Variants in ZNF45 observed in about 807,000 individuals in gnomAD.
The protein encoded by ZNF45 is BRC1744.
A neutral mutation model predicts 12.0 loss-of-function variants in ZNF45; 4 were observed. The ratio of observed to expected loss-of-function variants is 0.33; its 90% CI spans 0.16 to 0.76. ZNF45 has a LOEUF of 0.76. ZNF45 is among the 30% of genes least tolerant of loss of function. ZNF45 has a pLI of 0.60. For synonymous variants in ZNF45, 272 were observed against 279.6 expected (o/e 0.97, Z 0.27); for missense variants, 700 against 813.0 (o/e 0.86, Z 1.69).
chr19:43,916,888 G>GA (rs1046601675), intron 9 of ZNF45, among the ~76,000 whole-genome samples: 14 of 147,614 alleles, frequency 9.5e-5, no homozygotes, highest in South Asian at 6.4e-4. Flanking sequence ...AATTACTTAG[G>GA]AAAAAAAAAA....
chr19:43,923,919 A>G (rs1973437375), intron 6 of ZNF45, among the ~76,000 whole-genome samples: 1 of 151,688 alleles, frequency 6.6e-6, no homozygotes, highest in Middle Eastern at 3.4e-3. Flanking sequence ...GCTTGAGGCC[A>G]AGAGTTCAAG....
chr19:43,926,985 C>G (rs1225464306), intron 3 of ZNF45, among the ~76,000 whole-genome samples: 1 of 152,098 alleles, frequency 6.6e-6, no homozygotes, highest in Non-Finnish European at 1.5e-5. Flanking sequence ...AACAGATTAC[C>G]CTCTCAAACG....
At chr19:43,923,502 G>A (rs1414152305) in intron 6 of ZNF45, among the ~76,000 whole-genome samples, 2 of 152,136 alleles carry the variant, frequency 1.3e-5, no homozygotes, top group African/African-American at 4.8e-5. Context: ...GAAAAACATA[G>A]TATATTTAGG....
chr19:43,916,611 A>G (rs1972699217), intron 9 of ZNF45, among the ~76,000 whole-genome samples: 1 of 152,192 alleles, frequency 6.6e-6, no homozygotes, highest in Non-Finnish European at 1.5e-5. Context: ...ATTTTATATC[A>G]TTCACCACTT....
At chr19:43,919,833 A>C in intron 7 of ZNF45, 134 bp from the exon 8 acceptor site, 1 of 879,364 alleles carries the variant, frequency 1.1e-6, no homozygotes, top group South Asian at 1.6e-5. Context: ...ACTTTATTAC[A>C]GTTAAACACA....
Position 43,914,687 on chromosome 19 carries a change from T to C in ZNF45, c.749A>G (p.Tyr250Cys). 1 of 1,614,142 alleles carries C rather than the reference T, an allele frequency of 6.2e-7. No individual in the cohort carries two copies. Residue 250 changes from tyrosine (Y) to cysteine (C), a missense_variant, in exon 10 of 10, where the codon TAT (tyrosine) becomes TGT (cysteine). Coordinates refer to ENST00000269973, the MANE Select transcript of ZNF45 (RefSeq NM_003425.4). ...RVPTGENPYK[Y>C]EECGRNVGKS... ...CCCAACATTCCTCCCACACTCTTCA[T>C]ATTTGTATGGATTCTCTCCAGTGGG...
intron 3 of ZNF45, among the ~76,000 whole-genome samples, chr19:43,927,603 A>G (rs1402489894): frequency 6.6e-6 from 1 of 152,172 alleles, no homozygotes; most frequent in Non-Finnish European, 1.5e-5. Flanking sequence ...AGAAATAAAG[A>G]GATGAAAGGA....
rs537434159 is a variant in ZNF45, at chr19:43,921,059, T to C, written c.15+1112A>G. On this transcript the variant is annotated intron_variant, in intron 7 of 9. Coordinates refer to ENST00000269973, the MANE Select transcript of ZNF45 (RefSeq NM_003425.4). ...CAGTATTAGCTGAGGCATCTTCCAC[T>C]AACCAGGACAAGCTAGGCACCCACA... 2.6e-5 allele frequency among the ~76,000 whole-genome samples: 4 copies of C among 152,290 alleles called. No individual in the cohort carries two copies. In the South Asian group the frequency reaches 8.3e-4, roughly 32 times the overall value.
intron 3 of ZNF45, among the ~76,000 whole-genome samples, chr19:43,931,682 T>C (rs1251244946): frequency 6.6e-6 from 1 of 152,174 alleles, no homozygotes; most frequent in East Asian, 1.9e-4. Flanking sequence ...TTCAAACATG[T>C]TACCTATCTC....
In ZNF45 at chr19:43,913,302, C is replaced by T. The variant is rs1972351073; in HGVS notation, c.*85G>A. On this transcript the variant is annotated 3_prime_UTR_variant, in exon 10 of 10. Transcript: ENST00000269973. ...GTCTCCCAATCACTTGGCTGAACTACTGACTCTATAAAACAAATGTTTTGT... is the reference window on the plus strand; with the variant it reads ...GTCTCCCAATCACTTGGCTGAACTATTGACTCTATAAAACAAATGTTTTGT... 4 of 1,476,292 alleles carry T rather than the reference C, an allele frequency of 2.7e-6. No homozygotes were observed. In the South Asian group the frequency reaches 5.6e-5, roughly 21 times the overall value. 91.4% of individuals were successfully genotyped at this position (1,476,292 alleles called of 1,614,324 possible). A position where few individuals can be genotyped will look rare whatever the true frequency, so the allele number is the denominator to read the frequency against.
chr19:43,914,506 C>T lies in ZNF45; in HGVS notation c.930G>A (p.Gly310=), dbSNP rs141037581. ...GKKPYKCEEC[G]KSFSWRSRLQ... ...GTCGTGAACGCCAACTGAAGCTCTT[C>T]CCACACTCTTCACACTTATATGGTT... Residue 310 remains glycine (G), a synonymous_variant, in exon 10 of 10, where the codon GGG becomes GGA. Transcript: ENST00000269973. The T allele has an allele frequency of 1.2e-6, 2 of 1,612,974 alleles. No individual in the cohort carries two copies. Among genetic ancestry groups the T allele is most frequent in the African/African-American group, 2.7e-5 (2 of 74,898 alleles).
rs1974400568 is a variant in ZNF45, at chr19:43,935,043, G to T, written c.-875C>A. 1 of 152,258 alleles carries T rather than the reference G, an allele frequency of 6.6e-6. No homozygotes were observed. Among genetic ancestry groups the T allele is most frequent in the African/African-American group, 2.4e-5 (1 of 41,434 alleles). 9.4% of individuals were successfully genotyped at this position (152,258 alleles called of 1,614,324 possible). On this transcript the variant is annotated 5_prime_UTR_variant, in exon 1 of 10. Transcript: ENST00000269973. ...CATTCAGGTCCACTTCCAACCAGGG[G>T]ACTCCCGAACCGCCCCGAACGCAGC... is the stretch of plus-strand genomic sequence containing the variant.
intron 3 of ZNF45, among the ~76,000 whole-genome samples, chr19:43,927,326 T>C (rs1973766906): frequency 1.3e-5 from 2 of 152,208 alleles, no homozygotes; most frequent in Non-Finnish European, 2.9e-5. Context: ...CCCAAAGATT[T>C]GCAGAATGAC....
chr19:43,914,434 G>T lies in ZNF45; in HGVS notation c.1002C>A (p.Cys334Ter). Reference protein sequence around the residue: ...RIHTGEKPYKCNACGKSFSYS... With the variant: ...RIHTGEKPYK ...AACTAAAGCTCTTGCCACATGCATT[G>T]CATTTGTATGGTTTCTCGCCAGTGT... Residue 334 changes from cysteine to a stop codon, truncating the protein, a stop_gained, in exon 10 of 10, where the codon TGC (cysteine) becomes TGA (stop). Transcript: ENST00000269973. LOFTEE classifies it low-confidence loss of function (END_TRUNC). 1 of 1,609,972 alleles carries T rather than the reference G, an allele frequency of 6.2e-7. No homozygotes were observed. Among genetic ancestry groups the T allele is most frequent in the Non-Finnish European group, 8.5e-7 (1 of 1,177,706 alleles).
intron 8 of ZNF45, 88 bp from the exon 9 acceptor site, chr19:43,919,050 G>T: frequency 9.3e-7 from 1 of 1,069,714 alleles, no homozygotes; most frequent in Non-Finnish European, 1.4e-6. Flanking sequence ...ATCGTCTTCA[G>T]GACATCAAAC....
intron 7 of ZNF45, among the ~76,000 whole-genome samples, chr19:43,921,915 G>A (rs1329192200): frequency 2.6e-5 from 4 of 152,084 alleles, no homozygotes; most frequent in African/African-American, 9.7e-5. Context: ...GTTTTGTAAG[G>A]GAAACAGTAG....
chr19:43,923,443 A>G (rs1182254071), intron 6 of ZNF45, among the ~76,000 whole-genome samples: 7 of 152,244 alleles, frequency 4.6e-5, no homozygotes, highest in Non-Finnish European at 7.4e-5. Flanking sequence ...TTAGTCTCTT[A>G]CTGTGCCTAA....
At position 43,924,423 on chromosome 19, in the gene ZNF45, A is replaced by C. The variant is rs574818009; in HGVS notation, c.-127T>G. The C allele has an allele frequency of 2.6e-5, 4 of 152,352 alleles. No homozygotes were observed. The East Asian group carries it at 7.7e-4, about 29-fold the overall frequency. 9.4% of individuals were successfully genotyped at this position (152,352 alleles called of 1,614,324 possible). Reference sequence around the variant, plus strand: ...GTACCTGGCATTTTAGGGAGTTCTCAACAGATGATAATGACGACAATTGTA... The same window carrying C: ...GTACCTGGCATTTTAGGGAGTTCTCCACAGATGATAATGACGACAATTGTA... On this transcript the variant is annotated 5_prime_UTR_variant, in exon 5 of 10. It removes the in-frame stop codon of an upstream open reading frame in the 5' UTR. Transcript: ENST00000269973.
intron 2 of ZNF45, among the ~76,000 whole-genome samples, chr19:43,933,504 A>T (rs1333009160): frequency 6.6e-6 from 1 of 152,222 alleles, no homozygotes; most frequent in African/African-American, 2.4e-5. Flanking sequence ...TTAGTTTTTA[A>T]GCCTTACTGA....
Sources: gnomAD v4.1 joint callset for allele counts (sites outside exome capture counted in the v4.1 genomes callset) on GRCh38, gnomAD v4.1.1 for gene constraint, MANE v1.5 for transcripts, NCBI Gene and HGNC (gene_info 2026-07-23, HGNC 2026-07-21) for gene names.